The following CADPS2 variants were observed in gnomAD, a reference collection of about 807,000 sequenced individuals.
The protein encoded by CADPS2 is calcium-dependent secretion activator 2.
A neutral mutation model predicts 172.5 loss-of-function variants in CADPS2; 93 were observed. The ratio of observed to expected loss-of-function variants is 0.54; its 90% confidence interval spans 0.46 to 0.64. CADPS2 has a LOEUF of 0.64. Ranked by LOEUF, CADPS2 falls within the 30% of genes least tolerant of loss-of-function variation. CADPS2 has a pLI of 0.00. For synonymous variants in CADPS2, 546 were observed against 555.2 expected, an observed-to-expected ratio of 0.98 and a Z score of 0.23; for missense variants, 1,420 against 1,565.9, an observed-to-expected ratio of 0.91 and a Z score of 1.57.
At chr7:122,461,986 T>C (rs1222368262) in intron 14 of CADPS2, among the ~76,000 whole-genome samples, 1 of 152,162 alleles carries the variant, frequency 6.6e-6, no homozygotes, top group African/African-American at 2.4e-5. Flanking sequence ...CCTAGCACTG[T>C]ACACCTAGCA....
At chr7:122,407,915 G>A (rs1407482665) in intron 19 of CADPS2, 1 of 487,046 alleles carries the variant, frequency 2.1e-6, no homozygotes, top group Non-Finnish European at 3.6e-6. Context: ...GAATTAAAAT[G>A]TACAAGGACA....
chr7:122,403,680 T>C (rs963237091), intron 20 of CADPS2, among the ~76,000 whole-genome samples: 1 of 152,152 alleles, frequency 6.6e-6, no homozygotes, highest in Admixed American at 6.5e-5. Flanking sequence ...TACACTTGCA[T>C]TGAAAAACCT....
At chr7:122,522,241 A>G (rs1472687986) in intron 8 of CADPS2, among the ~76,000 whole-genome samples, 2 of 152,030 alleles carry the variant, frequency 1.3e-5, no homozygotes, top group African/African-American at 4.8e-5. Flanking sequence ...CAGCCTCTTG[A>G]GTAGCTGGGA....
chr7:122,649,884 T>C (rs1288997626), intron 3 of CADPS2, among the ~76,000 whole-genome samples: 2 of 145,876 alleles, frequency 1.4e-5, no homozygotes, highest in Non-Finnish European at 3.0e-5. Flanking sequence ...GACATTTTTC[T>C]TAAGTATTCA....
chr7:122,586,473 T>C (rs1302293303), intron 6 of CADPS2, among the ~76,000 whole-genome samples: 1 of 151,960 alleles, frequency 6.6e-6, no homozygotes, highest in Non-Finnish European at 1.5e-5. Flanking sequence ...CCTAAACTCA[T>C]TTGGGTAAGA....
chr7:122,395,760 C>T (rs2045016142), intron 20 of CADPS2, among the ~76,000 whole-genome samples: 1 of 151,982 alleles, frequency 6.6e-6, no homozygotes, highest in Non-Finnish European at 1.5e-5. Context: ...CCTATATGTG[C>T]CTTATCTCAT....
chr7:122,808,487 T>C (rs187673914), intron 1 of CADPS2, among the ~76,000 whole-genome samples: 1 of 152,330 alleles, frequency 6.6e-6, no homozygotes, highest in Admixed American at 6.5e-5. Context: ...CATTACCTTC[T>C]GCTGGAGTGA....
intron 28 of CADPS2, among the ~76,000 whole-genome samples, chr7:122,337,207 C>T (rs1359838316): frequency 6.6e-6 from 1 of 152,128 alleles, no homozygotes; most frequent in Non-Finnish European, 1.5e-5. Context: ...AAATAAAAAG[C>T]ACTACCAAAT....
At chr7:122,754,640 C>T (rs981527063) in intron 1 of CADPS2, among the ~76,000 whole-genome samples, 2 of 151,960 alleles carry the variant, frequency 1.3e-5, no homozygotes, top group Non-Finnish European at 2.9e-5. Context: ...TCACGCCCGG[C>T]GAATTTTTGT....
intron 18 of CADPS2, among the ~76,000 whole-genome samples, chr7:122,415,601 CAA>C (rs549530021): frequency 4.8e-4 from 31 of 64,950 alleles, no homozygotes; most frequent in Admixed American, 7.0e-4. Context: ...AATACAGAAC[CAA>C]AAAAAAAAAA....
chr7:122,771,127 A>C (rs1258877596), intron 1 of CADPS2, among the ~76,000 whole-genome samples: 1 of 152,158 alleles, frequency 6.6e-6, no homozygotes, highest in Non-Finnish European at 1.5e-5. Context: ...GATATCCTGG[A>C]ATTTTCAAAG....
intron 1 of CADPS2, among the ~76,000 whole-genome samples, chr7:122,835,618 T>C (rs1465693410): frequency 1.3e-5 from 2 of 152,066 alleles, no homozygotes; most frequent in East Asian, 1.9e-4. Context: ...AACCATGGCA[T>C]GAGAACTACG....
chr7:122,876,562 T>C (rs1462793033), intron 1 of CADPS2, among the ~76,000 whole-genome samples: 1 of 151,984 alleles, frequency 6.6e-6, no homozygotes, highest in East Asian at 1.9e-4. Flanking sequence ...TGAGTCTCAC[T>C]GTGTAGCCTA....
intron 2 of CADPS2, among the ~76,000 whole-genome samples, chr7:122,712,948 T>C (rs2088995261): frequency 6.6e-6 from 1 of 151,942 alleles, no homozygotes; most frequent in African/African-American, 2.4e-5. Context: ...ACCATCACCT[T>C]GGGGGTCAAG....
chr7:122,879,820 G>A (rs1029767001), intron 1 of CADPS2, among the ~76,000 whole-genome samples: 1 of 152,160 alleles, frequency 6.6e-6, no homozygotes, highest in African/African-American at 2.4e-5. Flanking sequence ...CATTCATGAT[G>A]CTGTACAAAG....
chr7:122,724,276 T>A (rs1349851864), intron 2 of CADPS2, among the ~76,000 whole-genome samples: 1 of 152,028 alleles, frequency 6.6e-6, no homozygotes, highest in African/African-American at 2.4e-5. Context: ...GCCTTGTTCA[T>A]CTTTTTATTT....
intron 1 of CADPS2, among the ~76,000 whole-genome samples, chr7:122,821,972 C>A (rs1016106919): frequency 6.6e-6 from 1 of 151,956 alleles, no homozygotes; most frequent in African/African-American, 2.4e-5. Context: ...GACTGTGCCC[C>A]AAAAAACTTG....
At chr7:122,761,911 T>C (rs1158895553) in intron 1 of CADPS2, among the ~76,000 whole-genome samples, 1 of 149,152 alleles carries the variant, frequency 6.7e-6, no homozygotes, top group Non-Finnish European at 1.5e-5. Flanking sequence ...GGTACAAGAT[T>C]CTCTTGAACC....
At chr7:122,754,098 T>C (rs996912707) in intron 1 of CADPS2, among the ~76,000 whole-genome samples, 3 of 152,202 alleles carry the variant, frequency 2.0e-5, no homozygotes, top group Non-Finnish European at 2.9e-5. Flanking sequence ...GTCAGTAAGG[T>C]TGAGTCACAA....
Sources: allele counts gnomAD v4.1 joint callset (sites outside exome capture counted in the v4.1 genomes callset), GRCh38; gene constraint gnomAD v4.1.1; transcripts MANE v1.5; gene names NCBI Gene and HGNC (gene_info 2026-07-23, HGNC 2026-07-21).